Variants in PTBP3 observed in about 807,000 individuals in gnomAD.
PTBP3 encodes polypyrimidine tract binding protein 3, also known as polypyrimidine tract-binding protein 3.
PTBP3 carries 20 observed loss-of-function variants against 58.7 expected under a neutral mutation model. The observed-to-expected ratio is 0.34, with a 90% CI of 0.24 to 0.50. The LOEUF (loss-of-function observed/expected upper bound fraction) is 0.50. PTBP3 is among the 20% of genes least tolerant of loss of function. The pLI, the probability that PTBP3 is intolerant of heterozygous loss-of-function variation, is 0.98. For missense variants in PTBP3, 509 were observed against 637.2 expected (o/e 0.80, Z 2.17); for synonymous variants, 185 against 219.8 (o/e 0.84, Z 1.40).
rs368296265 is a variant in PTBP3, at chr9:112,221,985, C to A, written c.*1866G>T. 2 of 916,664 alleles carry A rather than the reference C, an allele frequency of 2.2e-6. No individual in the cohort carries two copies. Among genetic ancestry groups the A allele is most frequent in the Non-Finnish European group, 2.6e-6 (2 of 767,214 alleles). The allele number at this position is 916,664 out of a possible 1,614,324, so 56.8% of individuals were successfully genotyped here. A position where few individuals can be genotyped will look rare whatever the true frequency, so the allele number is the denominator to read the frequency against. On this transcript the variant is annotated 3_prime_UTR_variant, in exon 14 of 14. Coordinates refer to ENST00000374257, the MANE Select transcript of PTBP3 (RefSeq NM_001163788.4). Reference sequence around the variant, plus strand: ...TGGCTATTCACAAATGTGATCATAGCGCACTGCAGCCTTGAACTCCTGGGC... The same window carrying A: ...TGGCTATTCACAAATGTGATCATAGAGCACTGCAGCCTTGAACTCCTGGGC...
chr9:112,288,524 A>C (rs535041987), intron 2 of PTBP3, among the ~76,000 whole-genome samples: 6 of 151,926 alleles, frequency 3.9e-5, no homozygotes, highest in Admixed American at 2.0e-4. Flanking sequence ...CCCAACCCCC[A>C]CAGTCTAGAA....
At chr9:112,312,485 T>C (rs1439583748) in intron 1 of PTBP3, among the ~76,000 whole-genome samples, 13 of 52,218 alleles carry the variant, frequency 2.5e-4, no homozygotes, top group African/African-American at 1.4e-3. Flanking sequence ...TGTTTTTTTT[T>C]TTGTTTTTTT....
At chr9:112,342,468 A>C in the PTBP3 span, among the ~76,000 whole-genome samples, 10 of 152,156 alleles carry the variant, frequency 6.6e-5, no homozygotes, top group Non-Finnish European at 1.5e-5. Flanking sequence ...TGTAATCCCA[A>C]CACTTTGGGA....
intron 3 of PTBP3, among the ~76,000 whole-genome samples, chr9:112,269,270 A>G (rs1449615196): frequency 6.6e-6 from 1 of 151,888 alleles, no homozygotes; most frequent in African/African-American, 2.4e-5. Context: ...TAATGGGGGC[A>G]ATTAGGGGGT....
chr9:112,326,303 G>A (rs772630770), intron 1 of PTBP3, among the ~76,000 whole-genome samples: 1 of 152,170 alleles, frequency 6.6e-6, no homozygotes, highest in African/African-American at 2.4e-5. Context: ...GCAGGCAAAC[G>A]TTTTCTGTAA....
At chr9:112,276,347 T>TATG (rs1827608921) in intron 2 of PTBP3, among the ~76,000 whole-genome samples, 1 of 152,156 alleles carries the variant, frequency 6.6e-6, no homozygotes, top group East Asian at 1.9e-4. Context: ...GAACACTATT[T>TATG]ATGATGCCTT....
chr9:112,302,291 T>C (rs992239800), intron 1 of PTBP3, among the ~76,000 whole-genome samples: 1 of 150,176 alleles, frequency 6.7e-6, no homozygotes, highest in Non-Finnish European at 1.5e-5. Flanking sequence ...ACCAAAAGAG[T>C]TAAAGGAAAA....
intron 1 of PTBP3, among the ~76,000 whole-genome samples, chr9:112,325,600 A>T (rs1250958443): frequency 6.6e-4 from 3 of 4,548 alleles, no homozygotes; most frequent in Non-Finnish European, 1.0e-3. Context: ...CACAGAAATT[A>T]AAAAAAAAAA....
rs142069546 is a variant in PTBP3 at position 112,226,368 on chromosome 9, A to G, written c.1364+1043T>C. 2.5e-3 allele frequency among the ~76,000 whole-genome samples: 385 copies of G among 152,158 alleles called. 1 individual carries two copies. Among genetic ancestry groups the G allele is most frequent in the African/African-American group, 9.0e-3 (373 of 41,504 alleles). ...TATTCACTTCCCATTCTCATTCTCA[A>G]TAATGTTCCAGACTTCACCCCTCTC... On this transcript the variant is annotated intron_variant, in intron 12 of 13. Coordinates refer to ENST00000374257, the MANE Select transcript of PTBP3 (RefSeq NM_001163788.4).
chr9:112,232,285 C>A (rs752265216), intron 8 of PTBP3, 47 bp from the exon 9 acceptor site: 2 of 1,471,672 alleles, frequency 1.4e-6, no homozygotes, highest in Non-Finnish European at 1.9e-6. Flanking sequence ...ATTTGAAGAA[C>A]TGTAACACTT....
intron 1 of PTBP3, among the ~76,000 whole-genome samples, chr9:112,328,423 G>C (rs2132479608): frequency 6.6e-6 from 1 of 152,324 alleles, no homozygotes; most frequent in East Asian, 1.9e-4. Flanking sequence ...CTTCTCTTCA[G>C]AGTAGGATCT....
In PTBP3 at chr9:112,218,851, C is replaced by T. The variant is rs1369940007; in HGVS notation, c.*5000G>A. 2 of 152,522 alleles carry T rather than the reference C, an allele frequency of 1.3e-5. No individual in the cohort carries two copies. The highest frequency in any genetic ancestry group is 3.8e-4 in the East Asian group (2 of 5,198). The allele number at this position is 152,522 out of a possible 1,614,324, so 9.4% of individuals were successfully genotyped here. ...AAAAAAATGTTGTTACAAATATTTACAGCATTTTCTTCTGTTAGACGAACA... is the reference window on the plus strand; with the variant it reads ...AAAAAAATGTTGTTACAAATATTTATAGCATTTTCTTCTGTTAGACGAACA... On this transcript the variant is annotated 3_prime_UTR_variant, in exon 14 of 14. Coordinates refer to ENST00000374257, the MANE Select transcript of PTBP3 (RefSeq NM_001163788.4).
At chr9:112,370,499 C>G in the PTBP3 span, among the ~76,000 whole-genome samples, 125 of 152,158 alleles carry the variant, frequency 8.2e-4, no homozygotes, top group African/African-American at 2.9e-3. Context: ...CGAGATTGCG[C>G]TACTGCATTC....
chr9:112,362,745 A>G, the PTBP3 span: 2 of 235,514 alleles, frequency 8.5e-6, no homozygotes, highest in African/African-American at 2.3e-5. Context: ...ATGAAGCCCA[A>G]GATCATCAAA....
chr9:112,287,337 T>TG (rs1247735845), intron 2 of PTBP3, among the ~76,000 whole-genome samples: 1 of 134,794 alleles, frequency 7.4e-6, no homozygotes, highest in African/African-American at 2.7e-5. Flanking sequence ...TTTTTCAGTT[T>TG]TTTGTTTTTT....
In PTBP3 at chr9:112,297,904, C is replaced by A. The variant is rs866416620; in HGVS notation, c.-39G>T. On this transcript the variant is annotated 5_prime_UTR_variant, in exon 2 of 14. An upstream start codon of the reference 5' UTR is lost. Transcript: ENST00000374257. ...TTAATGATGCCAGAAGAAAGAAGCTCATCAGATCCCCGCTGAAAAGCAAAA... is the reference window on the plus strand; with the variant it reads ...TTAATGATGCCAGAAGAAAGAAGCTAATCAGATCCCCGCTGAAAAGCAAAA... 1.2e-6 allele frequency: 2 copies of A among 1,612,236 alleles called. No homozygotes were observed. The highest frequency in any genetic ancestry group is 2.2e-5 in the South Asian group (2 of 90,846).
intron 1 of PTBP3, among the ~76,000 whole-genome samples, chr9:112,316,359 T>C (rs745886033): frequency 3.3e-5 from 5 of 152,194 alleles, no homozygotes; most frequent in Admixed American, 6.5e-5. Context: ...TACATATTTA[T>C]AAGAAGCAAG....
At chr9:112,356,195 T>C in the PTBP3 span, among the ~76,000 whole-genome samples, 5 of 152,098 alleles carry the variant, frequency 3.3e-5, no homozygotes, top group African/African-American at 9.7e-5. Flanking sequence ...ACCAGGCCAG[T>C]CTAGAACTCC....
At chr9:112,347,695 G>A in the PTBP3 span, among the ~76,000 whole-genome samples, 1 of 152,118 alleles carries the variant, frequency 6.6e-6, no homozygotes, top group Non-Finnish European at 1.5e-5. Context: ...TATATTGTGT[G>A]TGTATGTGTA....
Sources: allele counts gnomAD v4.1 joint callset (sites outside exome capture counted in the v4.1 genomes callset), GRCh38; gene constraint gnomAD v4.1.1; transcripts MANE v1.5; gene names NCBI Gene and HGNC (gene_info 2026-07-23, HGNC 2026-07-21).